Variants in INPP5F observed in about 807,000 individuals in gnomAD.
INPP5F encodes phosphatidylinositide 4-phosphatase SAC2.
INPP5F carries 97 observed loss-of-function variants against 137.2 expected under a neutral mutation model. The observed-to-expected ratio is 0.71, with a 90% CI of 0.60 to 0.84. INPP5F has a LOEUF of 0.84. Among genes scored for constraint, INPP5F ranks in the 40% least tolerant of loss-of-function variants. INPP5F has a pLI of 0.00. For synonymous variants in INPP5F, 504 were observed against 476.9 expected, an observed-to-expected ratio of 1.06 and a Z score of -0.74; for missense variants, 1,271 against 1,371.9, an observed-to-expected ratio of 0.93 and a Z score of 1.16.
At chr10:119,759,382 G>C (rs1195631967) in intron 2 of INPP5F, among the ~76,000 whole-genome samples, 1 of 151,948 alleles carries the variant, frequency 6.6e-6, no homozygotes, top group African/African-American at 2.4e-5. Context: ...CTGACTTTTA[G>C]AGGTAAGATT....
chr10:119,779,522 C>T (rs1275860129), intron 2 of INPP5F, among the ~76,000 whole-genome samples: 2 of 151,932 alleles, frequency 1.3e-5, no homozygotes, highest in South Asian at 2.1e-4. Flanking sequence ...CAGGCTTAAG[C>T]GATCCTCCTA....
At position 119,787,927 on chromosome 10, in the gene INPP5F, G is replaced by A. The variant is rs990813683; in HGVS notation, c.316-3590G>A. On this transcript the variant is annotated intron_variant, in intron 3 of 19. Coordinates refer to ENST00000650623, the MANE Select transcript of INPP5F (RefSeq NM_014937.4). The surrounding 1 kb of genome is among the most constrained non-coding windows in gnomAD (Gnocchi z 4.1). ...GCTGTTAGAGTGTCTGCACTGAGTT[G>A]GATAATCCTGCATAGAACATCTCCT... 5.3e-5 allele frequency among the ~76,000 whole-genome samples: 8 copies of A among 152,208 alleles called. No homozygotes were observed. Among genetic ancestry groups the A allele is most frequent in the African/African-American group, 1.9e-4 (8 of 41,530 alleles).
At chr10:119,751,185 T>G in intron 2 of INPP5F, 29 bp downstream of exon 2, 1 of 1,304,770 alleles carries the variant, frequency 7.7e-7, no homozygotes, top group Non-Finnish European at 1.1e-6. Context: ...CTTAAACTTG[T>G]CAAATTTATT....
In INPP5F at chr10:119,784,083, A is replaced by G. The variant is rs77261905; in HGVS notation, c.315+2312A>G. ...TGAACAACAGGAAGGGCAAAGAACC[A>G]CATGTTGAAAATCACAACTTTATTA... On this transcript the variant is annotated intron_variant, in intron 3 of 19. Coordinates refer to ENST00000650623, the MANE Select transcript of INPP5F (RefSeq NM_014937.4). 3.0e-4 allele frequency among the ~76,000 whole-genome samples: 46 copies of G among 152,374 alleles called. No homozygotes were observed. In the East Asian group the frequency reaches 8.5e-3, roughly 28 times the overall value.
At chr10:119,771,882 A>ATATAT (rs1564820059) in intron 2 of INPP5F, among the ~76,000 whole-genome samples, 1 of 24,166 alleles carries the variant, frequency 4.1e-5, no homozygotes, top group African/African-American at 1.9e-4. Context: ...ATATATATAT[A>ATATAT]TTTTTTTTTT....
chr10:119,760,425 T>C (rs1421553769), intron 2 of INPP5F, among the ~76,000 whole-genome samples: 1 of 152,198 alleles, frequency 6.6e-6, no homozygotes, highest in Non-Finnish European at 1.5e-5. Context: ...CACTCCAGCC[T>C]GGGCAACCTA....
At chr10:119,788,896 G>T (rs1374742215) in intron 3 of INPP5F, among the ~76,000 whole-genome samples, 1 of 152,172 alleles carries the variant, frequency 6.6e-6, no homozygotes, top group African/African-American at 2.4e-5. Context: ...ATAGATTCCT[G>T]GGGGGAAATT....
In INPP5F at chr10:119,797,659, G is replaced by A. The variant is rs772005448; in HGVS notation, c.1048+19G>A. 2 of 1,564,656 alleles carry A rather than the reference G, an allele frequency of 1.3e-6. No homozygotes were observed. The highest frequency in any genetic ancestry group is 3.8e-5 in the Admixed American group (2 of 52,568). ...GACAGAAGTAAGCAGGTCAATTATT[G>A]GGTTTGCAAATGATGATTTCAGAGA... On this transcript the variant is annotated intron_variant, in intron 8 of 19. Coordinates refer to ENST00000650623, the MANE Select transcript of INPP5F (RefSeq NM_014937.4).
Position 119,791,532 on chromosome 10 carries a change from C to A in INPP5F, c.331C>A (p.His111Asn), listed in dbSNP as rs1850144104. The change falls in exon 4 of 20, where the codon CAT (histidine) becomes AAT (asparagine). Residue 111 changes from histidine (H) to asparagine (N), a missense_variant. Physicochemically the swap from His to Asn is moderately conservative, Grantham distance 68. Transcript: ENST00000650623. ...TCCTATTTAGCTCTGTAAGAAGCAT[C>A]ATTTTGGTATTAACAAACCAGAGAA... is the stretch of plus-strand genomic sequence containing the variant. The part of the protein sequence containing the change: ...DLELELCKKH[H>N]FGINKPEKII... 1 of 1,601,284 alleles carries A rather than the reference C, an allele frequency of 6.2e-7. No homozygotes were observed. Among genetic ancestry groups the A allele is most frequent in the Non-Finnish European group, 8.5e-7 (1 of 1,170,654 alleles).
intron 1 of INPP5F, among the ~76,000 whole-genome samples, chr10:119,744,623 C>A (rs1384594228): frequency 1.3e-5 from 2 of 152,138 alleles, no homozygotes; most frequent in Admixed American, 6.6e-5. Flanking sequence ...ACCATCAGAG[C>A]TCACTGCAGC....
intron 3 of INPP5F, among the ~76,000 whole-genome samples, chr10:119,785,302 T>TTTTTTTTTTTTTTTG (rs1554889600): frequency 6.8e-6 from 1 of 147,732 alleles, no homozygotes; most frequent in South Asian, 2.3e-4. Context: ...TTTTTTTTTT[T>TTTTTTTTTTTTTTTG]GGAGACGGAG....
chr10:119,813,017 AG>A (rs1294288446), intron 15 of INPP5F, among the ~76,000 whole-genome samples: 1 of 152,044 alleles, frequency 6.6e-6, no homozygotes, highest in Non-Finnish European at 1.5e-5. Context: ...GATTTTTAAG[AG>A]GGTATCAATA....
At chr10:119,812,302 T>C (rs959329315) in intron 15 of INPP5F, among the ~76,000 whole-genome samples, 4 of 152,056 alleles carry the variant, frequency 2.6e-5, no homozygotes, top group Non-Finnish European at 4.4e-5. Context: ...CAACAAGAGG[T>C]GTAGTGAGGC....
chr10:119,747,473 C>T (rs1848570062), intron 1 of INPP5F, among the ~76,000 whole-genome samples: 1 of 152,174 alleles, frequency 6.6e-6, no homozygotes, highest in Non-Finnish European at 1.5e-5. Flanking sequence ...CCCAGCTTGG[C>T]CTCCCAAAGT....
chr10:119,765,146 C>T (rs909486673), intron 2 of INPP5F, among the ~76,000 whole-genome samples: 6 of 152,044 alleles, frequency 3.9e-5, no homozygotes, highest in African/African-American at 1.4e-4. Context: ...GTTGGTCAGG[C>T]TGGTCTCGAA....
At chr10:119,741,765 C>T (rs1201028889) in intron 1 of INPP5F, among the ~76,000 whole-genome samples, 1 of 152,042 alleles carries the variant, frequency 6.6e-6, no homozygotes, top group Non-Finnish European at 1.5e-5. Context: ...AAATTCCTGA[C>T]CTCAGGTGAT....
At chr10:119,794,145 C>T (rs1185711176) in intron 6 of INPP5F, among the ~76,000 whole-genome samples, 2 of 151,842 alleles carry the variant, frequency 1.3e-5, no homozygotes, top group Admixed American at 1.3e-4. Context: ...CTCTGGTTTT[C>T]CTAGGCAGAG....
chr10:119,780,243 A>G (rs1849658035), intron 2 of INPP5F, among the ~76,000 whole-genome samples: 1 of 151,988 alleles, frequency 6.6e-6, no homozygotes, highest in African/African-American at 2.4e-5. Context: ...CATGAAGGGT[A>G]GTACACTCTA....
rs1175622273 is a variant in INPP5F at position 119,828,985 on chromosome 10, T to C, written c.*1205T>C. 2 of 152,766 alleles carry C rather than the reference T, an allele frequency of 1.3e-5. No homozygotes were observed. Among genetic ancestry groups the C allele is most frequent in the Middle Eastern group, 3.4e-3 (1 of 294 alleles). 9.5% of individuals were successfully genotyped at this position (152,766 alleles called of 1,614,324 possible). On this transcript the variant is annotated 3_prime_UTR_variant, in exon 20 of 20. Transcript: ENST00000650623. ...TTCCAACAAGTATTGGTTCGTCTGG[T>C]GTCTTTAGAGCTTTACTCTGTTGAA...
Sources: allele counts gnomAD v4.1 joint callset (sites outside exome capture counted in the v4.1 genomes callset), GRCh38; gene constraint gnomAD v4.1.1; non-coding constraint Gnocchi (gnomAD v3.1); transcripts MANE v1.5; gene names NCBI Gene and HGNC (gene_info 2026-07-23, HGNC 2026-07-21).